Variants in LINGO2 observed in about 807,000 individuals in gnomAD.
The protein encoded by LINGO2 is leucine rich repeat and Ig domain containing 2, also known as leucine-rich repeat and immunoglobulin-like domain-containing nogo receptor-interacting protein 2.
A neutral mutation model predicts 30.6 loss-of-function variants in LINGO2; 14 were observed. The ratio of observed to expected loss-of-function variants is 0.46; its 90% confidence interval spans 0.30 to 0.72. LINGO2 has a LOEUF of 0.72. Among genes scored for constraint, LINGO2 ranks in the 30% least tolerant of loss-of-function variants. The pLI, the probability that LINGO2 is intolerant of heterozygous loss-of-function variation, is 0.07. For synonymous variants in LINGO2, 317 were observed against 288.5 expected, an observed-to-expected ratio of 1.10 and a Z score of -1.00; for missense variants, 729 against 751.7, an observed-to-expected ratio of 0.97 and a Z score of 0.35.
At chr9:28,716,043 T>G in the LINGO2 span, among the ~76,000 whole-genome samples, 2 of 151,956 alleles carry the variant, frequency 1.3e-5, no homozygotes, top group Admixed American at 6.6e-5. Context: ...ATAAATTACA[T>G]GCAATACTCC....
chr9:28,295,045 C>T (rs1823873146), intron 4 of LINGO2, among the ~76,000 whole-genome samples, 163 bp downstream of exon 6: 4 of 152,124 alleles, frequency 2.6e-5, no homozygotes, highest in Admixed American at 1.3e-4. Context: ...TCAATTATTA[C>T]TATATGCATT....
chr9:27,972,693 T>G (rs1382653830), intron 5 of LINGO2, among the ~76,000 whole-genome samples: 1 of 152,230 alleles, frequency 6.6e-6, no homozygotes, highest in African/African-American at 2.4e-5. Context: ...AGGCTGGTAT[T>G]GAGGCTTACC....
chr9:28,019,767 T>C (rs563320360), intron 4 of LINGO2, among the ~76,000 whole-genome samples: 2 of 152,140 alleles, frequency 1.3e-5, no homozygotes, highest in Non-Finnish European at 2.9e-5. Flanking sequence ...TGTGTGTATA[T>C]ATTATATTGC....
chr9:29,122,967 A>G, the LINGO2 span, among the ~76,000 whole-genome samples: 1 of 152,148 alleles, frequency 6.6e-6, no homozygotes, highest in African/African-American at 2.4e-5. Flanking sequence ...GTTAAAATGT[A>G]CATTTGCATT....
At chr9:27,981,690 A>T (rs992970221) in intron 5 of LINGO2, among the ~76,000 whole-genome samples, 1 of 151,626 alleles carries the variant, frequency 6.6e-6, no homozygotes, top group Admixed American at 6.6e-5. Context: ...TTCATTGTCC[A>T]TCTAGATTAG....
rs953803867 is a variant in LINGO2, at chr9:28,050,124, G to C, written c.-86-37719C>G. Among the ~76,000 whole-genome samples, 6 of 150,574 alleles carry C rather than the reference G, an allele frequency of 4.0e-5. 1 individual carries two copies. Among genetic ancestry groups the C allele is most frequent in the African/African-American group, 1.5e-4 (6 of 40,676 alleles). On this transcript the variant is annotated intron_variant, in intron 4 of 5. Coordinates refer to ENST00000379992, the Ensembl canonical transcript of LINGO2. ...GAAGGAGAGAAGAGTGAGGGGTCAA[G>C]TATAACTAGCTCTCTAGTGTGGGTG...
intron 1 of LINGO2, among the ~76,000 whole-genome samples, chr9:28,647,245 G>A (rs1295077963): frequency 6.6e-6 from 1 of 151,996 alleles, no homozygotes; most frequent in African/African-American, 2.4e-5. Context: ...AAATATTAAG[G>A]TATAGGTCCC....
intron 1 of LINGO2, among the ~76,000 whole-genome samples, chr9:28,547,689 T>A (rs1822023579): frequency 6.6e-6 from 1 of 152,056 alleles, no homozygotes; most frequent in Non-Finnish European, 1.5e-5. Context: ...ATGGATCTGG[T>A]TTCAAGATTT....
chr9:28,782,433 G>A, the LINGO2 span, among the ~76,000 whole-genome samples: 3 of 152,124 alleles, frequency 2.0e-5, no homozygotes, highest in African/African-American at 2.4e-5. Context: ...AGGGGTGATG[G>A]CAGTGGATAG....
chr9:28,237,124 G>C (rs911878562), intron 4 of LINGO2, among the ~76,000 whole-genome samples: 2 of 131,986 alleles, frequency 1.5e-5, no homozygotes, highest in East Asian at 2.3e-4. Flanking sequence ...GTGCGGGGGG[G>C]GGGTAAAGTT....
intron 1 of LINGO2, among the ~76,000 whole-genome samples, chr9:28,602,192 A>G (rs1320828106): frequency 4.6e-5 from 7 of 152,088 alleles, no homozygotes; most frequent in Non-Finnish European, 8.8e-5. Flanking sequence ...AGTTTGTCTT[A>G]AGGCAAGGAA....
intron 4 of LINGO2, among the ~76,000 whole-genome samples, chr9:28,015,563 T>C (rs1026313002): frequency 3.9e-5 from 6 of 152,170 alleles, no homozygotes; most frequent in Admixed American, 6.6e-5. Context: ...TCAATAAATA[T>C]TACTTGTGAT....
chr9:28,421,882 A>C (rs1054704592), intron 2 of LINGO2, among the ~76,000 whole-genome samples: 1 of 152,094 alleles, frequency 6.6e-6, no homozygotes, highest in Non-Finnish European at 1.5e-5. Flanking sequence ...ATGATTTTCC[A>C]CAAGAGCGAC....
chr9:28,997,593 G>A, the LINGO2 span, among the ~76,000 whole-genome samples: 1 of 152,142 alleles, frequency 6.6e-6, no homozygotes. Context: ...GGAGGCCAAG[G>A]CTGGCGGATC....
At chr9:28,015,619 G>A (rs1025401188) in intron 4 of LINGO2, among the ~76,000 whole-genome samples, 7 of 151,992 alleles carry the variant, frequency 4.6e-5, no homozygotes, top group African/African-American at 1.2e-4. Flanking sequence ...CACAGGTTTT[G>A]GAAAGAATCA....
chr9:28,016,116 G>T (rs762604532), intron 4 of LINGO2, among the ~76,000 whole-genome samples: 2 of 151,824 alleles, frequency 1.3e-5, no homozygotes, highest in African/African-American at 4.8e-5. Context: ...CCAATGACCT[G>T]CATTTCCTGA....
At chr9:28,561,399 T>C (rs750215349) in intron 1 of LINGO2, among the ~76,000 whole-genome samples, 22 of 151,790 alleles carry the variant, frequency 1.4e-4, no homozygotes, top group Non-Finnish European at 2.6e-4. Context: ...AGATTACTTA[T>C]AGTAGTAAGC....
At chr9:28,885,456 CAT>C in the LINGO2 span, among the ~76,000 whole-genome samples, 1 of 81,662 alleles carries the variant, frequency 1.2e-5, no homozygotes, top group Admixed American at 1.8e-4. Flanking sequence ...CACATATATA[CAT>C]ACATATATAT....
the LINGO2 span, among the ~76,000 whole-genome samples, chr9:28,876,464 T>C: frequency 1.3e-5 from 2 of 150,894 alleles, no homozygotes; most frequent in Non-Finnish European, 2.9e-5. Context: ...TGTGTTCTCA[T>C]TGTTCAATTC....
Sources: allele counts gnomAD v4.1 joint callset (sites outside exome capture counted in the v4.1 genomes callset), GRCh38; gene constraint gnomAD v4.1.1; transcripts MANE v1.5; gene names NCBI Gene and HGNC (gene_info 2026-07-23, HGNC 2026-07-21).